The following PTPRD variants were observed in gnomAD, a reference collection of about 807,000 sequenced individuals.
PTPRD encodes the protein receptor-type tyrosine-protein phosphatase delta.
Under a neutral mutation model 214.5 loss-of-function variants are expected in PTPRD, and 34 were observed. The observed-to-expected ratio is 0.16, with a 90% CI of 0.12 to 0.21. PTPRD has a LOEUF of 0.21. Ranked by LOEUF, PTPRD falls within the 10% of genes least tolerant of loss-of-function variation. PTPRD has a pLI of 1.00. For missense variants in PTPRD, 2,545 were observed against 2,398.7 expected (o/e 1.06, Z -1.27); for synonymous variants, 1,128 against 845.7 (o/e 1.33, Z -5.79).
chr9:9,983,521 CTTA>C (rs2095612007), intron 4 of PTPRD, among the ~76,000 whole-genome samples: 2 of 152,156 alleles, frequency 1.3e-5, no homozygotes, highest in Non-Finnish European at 1.5e-5. Context: ...AGGCAAAGCA[CTTA>C]GTACCAGCTA....
intron 3 of PTPRD, among the ~76,000 whole-genome samples, chr9:10,268,479 A>G (rs1188697635): frequency 6.6e-6 from 1 of 152,104 alleles, no homozygotes; most frequent in Non-Finnish European, 1.5e-5. Flanking sequence ...CAAAAACTCT[A>G]AAGTGCTCCT....
At chr9:10,612,590 G>A (rs2081314238) in intron 1 of PTPRD, 85 bp from the exon 2 acceptor site, 2 of 152,310 alleles carry the variant, frequency 1.3e-5, no homozygotes. Context: ...TTTCAAAAGT[G>A]GGATCTTCTT....
At chr9:10,449,384 C>G (rs561217590) in intron 2 of PTPRD, among the ~76,000 whole-genome samples, 4 of 151,870 alleles carry the variant, frequency 2.6e-5, no homozygotes, top group South Asian at 2.1e-4. Flanking sequence ...GATCTCCGCT[C>G]GCTACAACCT....
chr9:9,336,850 T>G (rs1371916945), intron 9 of PTPRD, among the ~76,000 whole-genome samples: 1 of 152,166 alleles, frequency 6.6e-6, no homozygotes. Context: ...ATAGTTTATA[T>G]GAGTAAGACA....
At chr9:10,105,088 C>T (rs1002477999) in intron 3 of PTPRD, among the ~76,000 whole-genome samples, 10 of 151,914 alleles carry the variant, frequency 6.6e-5, no homozygotes, top group African/African-American at 2.4e-4. Context: ...GTCTCATTCT[C>T]CATAACTCTG....
chr9:10,023,057 C>A (rs2096854371), intron 4 of PTPRD, among the ~76,000 whole-genome samples: 1 of 151,990 alleles, frequency 6.6e-6, no homozygotes, highest in Admixed American at 6.6e-5. Flanking sequence ...AATATTTTAC[C>A]TATTTTTATA....
chr9:10,482,759 A>G (rs2099108837), intron 2 of PTPRD, among the ~76,000 whole-genome samples: 1 of 152,178 alleles, frequency 6.6e-6, no homozygotes, highest in Non-Finnish European at 1.5e-5. Flanking sequence ...TTAACCAACT[A>G]GGTGAAAAAT....
chr9:9,175,305 T>C (rs1479807474), intron 10 of PTPRD, among the ~76,000 whole-genome samples: 1 of 152,050 alleles, frequency 6.6e-6, no homozygotes. Flanking sequence ...CAGGGCATGT[T>C]TGTCAATCGT....
intron 3 of PTPRD, among the ~76,000 whole-genome samples, chr9:10,106,013 CAAAAAAAAAAAAAAAA>C (rs35421883): frequency 1.8e-5 from 1 of 56,670 alleles, no homozygotes; most frequent in African/African-American, 6.6e-5. Context: ...ATCACATATT[CAAAAAAAAAAAAAAAA>C]AAAAAAAAGG....
At chr9:8,450,878 C>T (rs1233242121) in intron 33 of PTPRD, among the ~76,000 whole-genome samples, 2 of 152,208 alleles carry the variant, frequency 1.3e-5, no homozygotes, top group African/African-American at 4.8e-5. Context: ...GCAATCTCTA[C>T]ACCACAGTCA....
intron 3 of PTPRD, among the ~76,000 whole-genome samples, chr9:10,251,550 A>G (rs754083815): frequency 2.6e-5 from 4 of 152,176 alleles, no homozygotes; most frequent in Non-Finnish European, 4.4e-5. Flanking sequence ...AATAAAATCC[A>G]CATTATATGA....
At chr9:8,965,700 T>TG (rs1305616493) in intron 11 of PTPRD, among the ~76,000 whole-genome samples, 1 of 152,130 alleles carries the variant, frequency 6.6e-6, no homozygotes, top group Non-Finnish European at 1.5e-5. Flanking sequence ...GGGCAAAAAC[T>TG]GGAAGCATTC....
At chr9:9,096,205 C>T (rs910048731) in intron 10 of PTPRD, among the ~76,000 whole-genome samples, 2 of 152,182 alleles carry the variant, frequency 1.3e-5, no homozygotes, top group Middle Eastern at 3.4e-3. Flanking sequence ...GAGATTCATG[C>T]CAAATGAGTA....
At chr9:9,025,208 G>GGTGGGACTAA (rs1270243847) in intron 10 of PTPRD, among the ~76,000 whole-genome samples, 1 of 151,908 alleles carries the variant, frequency 6.6e-6, no homozygotes, top group African/African-American at 2.4e-5. Flanking sequence ...AGAGCAAGAT[G>GGTGGGACTAA]GTGGGACTAA....
chr9:9,874,245 T>C (rs918306806), intron 5 of PTPRD, among the ~76,000 whole-genome samples: 1 of 152,148 alleles, frequency 6.6e-6, no homozygotes, highest in African/African-American at 2.4e-5. Context: ...GGGCTATGTA[T>C]ACAGGGGAGC....
At chr9:9,603,172 G>C (rs890573844) in intron 7 of PTPRD, among the ~76,000 whole-genome samples, 1 of 152,116 alleles carries the variant, frequency 6.6e-6, no homozygotes, top group Admixed American at 6.6e-5. Context: ...GGGTTCTTCT[G>C]AAAGGGTAAA....
At chr9:8,780,955 T>A (rs1429244728) in intron 11 of PTPRD, among the ~76,000 whole-genome samples, 1 of 152,194 alleles carries the variant, frequency 6.6e-6, no homozygotes, top group Non-Finnish European at 1.5e-5. Flanking sequence ...ATTGTAAGTA[T>A]AAATTAACCT....
chr9:9,588,701 G>C (rs2092375220), intron 7 of PTPRD, among the ~76,000 whole-genome samples: 1 of 151,928 alleles, frequency 6.6e-6, no homozygotes, highest in Non-Finnish European at 1.5e-5. Flanking sequence ...ACCAGTCCTT[G>C]AATTGTTAAT....
chr9:9,798,651 A>C (rs1283287058), intron 5 of PTPRD, among the ~76,000 whole-genome samples: 1 of 152,198 alleles, frequency 6.6e-6, no homozygotes, highest in Non-Finnish European at 1.5e-5. Context: ...GAATTCCATC[A>C]GCATGCAGCA....
Sources: allele counts gnomAD v4.1 joint callset (sites outside exome capture counted in the v4.1 genomes callset), GRCh38; gene constraint gnomAD v4.1.1; transcripts MANE v1.5; gene names NCBI Gene and HGNC (gene_info 2026-07-23, HGNC 2026-07-21).